The following EYA1 variants were observed in gnomAD, a reference collection of about 807,000 sequenced individuals.
EYA1 encodes protein phosphatase EYA1.
In EYA1, 16 loss-of-function variants were observed where a neutral mutation model predicts 82.0. The ratio of observed to expected loss-of-function variants is 0.20; its 90% confidence interval spans 0.13 to 0.30. The LOEUF (loss-of-function observed/expected upper bound fraction) is 0.30. Among genes scored for constraint, EYA1 ranks in the 10% least tolerant of loss-of-function variants. The pLI, the probability that EYA1 is intolerant of heterozygous loss-of-function variation, is 1.00. For missense variants in EYA1, 633 were observed against 730.7 expected, an observed-to-expected ratio of 0.87 and a Z score of 1.54; for synonymous variants, 261 against 264.4, an observed-to-expected ratio of 0.99 and a Z score of 0.12.
chr8:71,255,755 T>C (rs1423344703), intron 11 of EYA1, among the ~76,000 whole-genome samples: 2 of 151,966 alleles, frequency 1.3e-5, no homozygotes, highest in African/African-American at 4.8e-5. Flanking sequence ...AAAATGTGTA[T>C]AATCAAAGGA....
At chr8:71,486,691 G>A (rs1046852391) in intron 2 of EYA1, among the ~76,000 whole-genome samples, 2 of 152,198 alleles carry the variant, frequency 1.3e-5, no homozygotes, top group African/African-American at 4.8e-5. Context: ...GGCAGATCAG[G>A]AGTTCAGCTT....
intron 12 of EYA1, among the ~76,000 whole-genome samples, chr8:71,217,694 A>AT (rs138264160): frequency 0.037 from 5,573 of 152,104 alleles, 253 homozygotes; most frequent in African/African-American, 0.11. Flanking sequence ...TTTTTTTTAC[A>AT]TTTTTTGTGT....
At chr8:71,485,270 G>C (rs1237107129) in intron 2 of EYA1, among the ~76,000 whole-genome samples, 1 of 152,038 alleles carries the variant, frequency 6.6e-6, no homozygotes. Flanking sequence ...ATTTCATATT[G>C]AGGACAACTT....
chr8:71,503,854 G>A (rs1425132107), intron 2 of EYA1, among the ~76,000 whole-genome samples: 2 of 152,082 alleles, frequency 1.3e-5, no homozygotes, highest in Non-Finnish European at 2.9e-5. Flanking sequence ...TTGAATCTAG[G>A]TGTCTCCAAT....
chr8:71,239,530 A>G (rs1389598006), intron 12 of EYA1, among the ~76,000 whole-genome samples: 1 of 152,224 alleles, frequency 6.6e-6, no homozygotes, highest in African/African-American at 2.4e-5. Context: ...TGTTTGCTGA[A>G]TTTGTCAGGA....
At chr8:71,199,517 A>AATGATACTGAAAATGGG in intron 17 of EYA1, 97 bp from the exon 18 acceptor site, 1 of 762,928 alleles carries the variant, frequency 1.3e-6, no homozygotes, top group Non-Finnish European at 2.3e-6. Context: ...CCCCATTTTC[A>AATGATACTGAAAATGGG]GTATCATTGA....
chr8:71,422,208 T>C (rs1831183842), intron 2 of EYA1, among the ~76,000 whole-genome samples: 1 of 152,210 alleles, frequency 6.6e-6, no homozygotes, highest in Admixed American at 6.5e-5. Flanking sequence ...TATTTTGTCT[T>C]GTTTTGTTAT....
intron 2 of EYA1, among the ~76,000 whole-genome samples, chr8:71,423,649 C>T (rs1232038554): frequency 1.3e-5 from 2 of 152,146 alleles, no homozygotes; most frequent in Non-Finnish European, 2.9e-5. Context: ...AGGAGAGGAA[C>T]AAATGTTCTT....
intron 2 of EYA1, among the ~76,000 whole-genome samples, chr8:71,508,257 T>G (rs1812340624): frequency 6.6e-6 from 1 of 152,140 alleles, no homozygotes; most frequent in African/African-American, 2.4e-5. Context: ...CAGAACAAAC[T>G]AGAGGGGTTT....
intron 2 of EYA1, among the ~76,000 whole-genome samples, chr8:71,381,723 C>T (rs1828713097): frequency 6.6e-6 from 1 of 152,318 alleles, no homozygotes; most frequent in East Asian, 1.9e-4. Context: ...AAGAATCTTC[C>T]CCTCTTTCTT....
chr8:71,460,258 G>C (rs1177817383), intron 2 of EYA1, among the ~76,000 whole-genome samples: 2 of 152,148 alleles, frequency 1.3e-5, no homozygotes, highest in Non-Finnish European at 2.9e-5. Context: ...TGAGAAGCTT[G>C]AAAAGAAAAA....
chr8:71,481,134 A>G (rs1193220196), intron 2 of EYA1, among the ~76,000 whole-genome samples: 1 of 152,200 alleles, frequency 6.6e-6, no homozygotes, highest in East Asian at 1.9e-4. Context: ...CAAATAAAGA[A>G]AACACACAGA....
intron 7 of EYA1, among the ~76,000 whole-genome samples, chr8:71,306,002 C>G (rs75356658): frequency 6.6e-6 from 1 of 152,116 alleles, no homozygotes; most frequent in Non-Finnish European, 1.5e-5. Flanking sequence ...ACCTATCCCT[C>G]GAAGAAAGTT....
rs185673425 is a variant in EYA1 at position 71,475,236 on chromosome 8, G to T, written c.33+60508C>A. ...AAAATCAAGGTATATAATAGTGTGT[G>T]TAGCTAGGGTCAAACAGGGATAGAT... On this transcript the variant is annotated intron_variant, in intron 2 of 18. Coordinates refer to the EYA1 transcript ENST00000643681. 7.9e-5 allele frequency among the ~76,000 whole-genome samples: 12 copies of T among 152,322 alleles called. No homozygotes were observed. The East Asian group carries it at 2.1e-3, about 27-fold the overall frequency.
At chr8:71,422,061 T>TA (rs1373050041) in intron 2 of EYA1, among the ~76,000 whole-genome samples, 1 of 152,240 alleles carries the variant, frequency 6.6e-6, no homozygotes, top group Non-Finnish European at 1.5e-5. Flanking sequence ...AGGTATTTTT[T>TA]AATCAGAATA....
At chr8:71,346,254 A>G (rs1825692823) in intron 3 of EYA1, among the ~76,000 whole-genome samples, 1 of 151,980 alleles carries the variant, frequency 6.6e-6, no homozygotes, top group African/African-American at 2.4e-5. Context: ...GTGGTAAATC[A>G]CATTTAATAG....
At chr8:71,491,598 G>A (rs1230235091) in intron 2 of EYA1, among the ~76,000 whole-genome samples, 1 of 152,188 alleles carries the variant, frequency 6.6e-6, no homozygotes, top group East Asian at 1.9e-4. Flanking sequence ...AAGACACAAG[G>A]AGAGGGGCTT....
intron 12 of EYA1, among the ~76,000 whole-genome samples, chr8:71,239,879 T>G (rs918969984): frequency 6.6e-6 from 1 of 152,220 alleles, no homozygotes; most frequent in Admixed American, 6.5e-5. Flanking sequence ...AGAAATCAAC[T>G]TCTGAATCGG....
In EYA1 at chr8:71,493,915, T is replaced by C. The variant is rs952509906; in HGVS notation, c.33+41829A>G. Among the ~76,000 whole-genome samples the C allele has an allele frequency of 3.9e-3, 545 of 141,072 alleles. 6 individuals carry two copies. Among genetic ancestry groups the C allele is most frequent in the East Asian group, 0.019 (86 of 4,576 alleles). 92.5% of individuals were successfully genotyped at this position (141,072 alleles called of 152,430 possible). A position where few individuals can be genotyped will look rare whatever the true frequency, so the allele number is the denominator to read the frequency against. On this transcript the variant is annotated intron_variant, in intron 2 of 18. Transcript: ENST00000643681. ...GCGGGCGCCTGTAGTCCCAGCTACTTGGGAGGCTGAGGCAGGAGAATGGCG... is the reference window on the plus strand; with the variant it reads ...GCGGGCGCCTGTAGTCCCAGCTACTCGGGAGGCTGAGGCAGGAGAATGGCG...
Sources: gnomAD v4.1 joint callset for allele counts (sites outside exome capture counted in the v4.1 genomes callset) on GRCh38, gnomAD v4.1.1 for gene constraint, MANE v1.5 for transcripts, NCBI Gene and HGNC (gene_info 2026-07-23, HGNC 2026-07-21) for gene names.